The following FHIT variants were observed in gnomAD, a reference collection of about 807,000 sequenced individuals.
The protein encoded by FHIT is bis(5'-adenosyl)-triphosphatase.
FHIT carries 19 observed loss-of-function variants against 17.9 expected under a neutral mutation model. The ratio of observed to expected loss-of-function variants is 1.06; its 90% CI spans 0.74 to 1.56. FHIT has a LOEUF of 1.56. Among genes scored for constraint, FHIT ranks in the 40% most tolerant of loss-of-function variants. FHIT has a pLI of 0.00. For synonymous variants in FHIT, 81 were observed against 69.7 expected (o/e 1.16, Z -0.81); for missense variants, 248 against 189.2 (o/e 1.31, Z -1.82).
intron 5 of FHIT, among the ~76,000 whole-genome samples, chr3:60,030,916 T>C (rs1408062856): frequency 1.3e-5 from 2 of 152,266 alleles, no homozygotes; most frequent in Non-Finnish European, 2.9e-5. Flanking sequence ...TGTTATTTTC[T>C]TAATGTTTTA....
At chr3:59,780,609 GGT>G (rs1702539410) in intron 8 of FHIT, among the ~76,000 whole-genome samples, 1 of 152,144 alleles carries the variant, frequency 6.6e-6, no homozygotes, top group Non-Finnish European at 1.5e-5. Context: ...CCTTCGCAGA[GGT>G]GATTAGGGTT....
At chr3:60,709,991 T>A (rs2107931569) in intron 4 of FHIT, among the ~76,000 whole-genome samples, 1 of 151,452 alleles carries the variant, frequency 6.6e-6, no homozygotes, top group East Asian at 1.9e-4. Flanking sequence ...GTCTCACAAG[T>A]GCTTTTCCTT....
chr3:60,710,446 G>A lies in FHIT; in HGVS notation c.-18+111473C>T, dbSNP rs115184094. Among the ~76,000 whole-genome samples, 1,021 of 152,336 alleles carry A rather than the reference G, an allele frequency of 6.7e-3. 12 individuals are homozygous for A. The highest frequency in any genetic ancestry group is 0.024 in the African/African-American group (982 of 41,588). On this transcript the variant is annotated intron_variant, in intron 4 of 9. Transcript: ENST00000492590. ...CAGGAGAGTGGGTGCAGTGCACCGT[G>A]CACCAGCTGAAGCAGGGCAAGGCAT...
chr3:60,627,969 A>G (rs2039337667), intron 4 of FHIT, among the ~76,000 whole-genome samples: 1 of 151,974 alleles, frequency 6.6e-6, no homozygotes, highest in Non-Finnish European at 1.5e-5. Flanking sequence ...TATTTCATTA[A>G]TTTCTGTTCC....
At chr3:60,388,037 G>A (rs1339727757) in intron 5 of FHIT, among the ~76,000 whole-genome samples, 1 of 152,094 alleles carries the variant, frequency 6.6e-6, no homozygotes, top group Non-Finnish European at 1.5e-5. Flanking sequence ...CCTGCCATGA[G>A]CAGAAGCTTC....
intron 4 of FHIT, among the ~76,000 whole-genome samples, chr3:60,559,188 TC>T (rs2036845471): frequency 6.6e-6 from 1 of 152,120 alleles, no homozygotes; most frequent in Non-Finnish European, 1.5e-5. Flanking sequence ...ATTGTGTAAA[TC>T]CACAGCAGTA....
At chr3:60,958,632 T>C (rs1709280920) in intron 3 of FHIT, among the ~76,000 whole-genome samples, 2 of 152,168 alleles carry the variant, frequency 1.3e-5, no homozygotes, top group South Asian at 4.1e-4. Flanking sequence ...TGGCCCTTCA[T>C]CAAGTGCAAT....
At chr3:60,735,862 C>T (rs928163053) in intron 4 of FHIT, among the ~76,000 whole-genome samples, 2 of 152,210 alleles carry the variant, frequency 1.3e-5, no homozygotes, top group Admixed American at 1.3e-4. Flanking sequence ...TACTCAATGT[C>T]TATGCTTTTG....
At chr3:60,193,753 A>G (rs1317095005) in intron 5 of FHIT, among the ~76,000 whole-genome samples, 2 of 152,174 alleles carry the variant, frequency 1.3e-5, no homozygotes, top group African/African-American at 2.4e-5. Flanking sequence ...TTTCACATAT[A>G]TGACTGTAGC....
At chr3:60,944,423 T>C (rs1341423417) in intron 3 of FHIT, among the ~76,000 whole-genome samples, 2 of 152,164 alleles carry the variant, frequency 1.3e-5, no homozygotes, top group Non-Finnish European at 2.9e-5. Context: ...ACTTTCAGTG[T>C]GTCAGTGAGC....
chr3:60,719,170 A>G (rs2041754241), intron 4 of FHIT, among the ~76,000 whole-genome samples: 1 of 152,202 alleles, frequency 6.6e-6, no homozygotes, highest in Non-Finnish European at 1.5e-5. Context: ...TGGTTGGGCA[A>G]GAAACACTAA....
chr3:61,038,100 A>G (rs2033342935), intron 3 of FHIT, among the ~76,000 whole-genome samples: 3 of 152,244 alleles, frequency 2.0e-5, no homozygotes, highest in African/African-American at 7.2e-5. Flanking sequence ...ACAATCATCA[A>G]TTGAAGAAAC....
chr3:59,866,192 G>A (rs607731), intron 8 of FHIT, among the ~76,000 whole-genome samples: 26,453 of 151,832 alleles, frequency 0.17, 2,378 homozygotes, highest in Non-Finnish European at 0.19. Flanking sequence ...GCTGGGGTTT[G>A]GTGGGGAATC....
At chr3:60,627,175 A>G (rs2039312152) in intron 4 of FHIT, among the ~76,000 whole-genome samples, 1 of 152,142 alleles carries the variant, frequency 6.6e-6, no homozygotes, top group Non-Finnish European at 1.5e-5. Flanking sequence ...GTTTTGGTTA[A>G]CAGGATGCTA....
intron 8 of FHIT, among the ~76,000 whole-genome samples, chr3:59,804,654 G>A (rs1700125781): frequency 6.6e-6 from 1 of 152,180 alleles, no homozygotes; most frequent in African/African-American, 2.4e-5. Flanking sequence ...AAGTTATGAA[G>A]TCATTTACTT....
At chr3:60,863,663 C>T (rs1704025752) in intron 3 of FHIT, among the ~76,000 whole-genome samples, 1 of 152,058 alleles carries the variant, frequency 6.6e-6, no homozygotes, top group South Asian at 2.1e-4. Context: ...CTTTGATGGT[C>T]CCTGGGTGAG....
chr3:60,798,356 A>C (rs1701063745), intron 4 of FHIT, among the ~76,000 whole-genome samples: 1 of 152,238 alleles, frequency 6.6e-6, no homozygotes, highest in Non-Finnish European at 1.5e-5. Flanking sequence ...AACTCACTAA[A>C]ATGTCATCAG....
intron 8 of FHIT, among the ~76,000 whole-genome samples, chr3:59,838,676 T>G (rs1701422837): frequency 6.6e-6 from 1 of 152,174 alleles, no homozygotes; most frequent in Admixed American, 6.5e-5. Context: ...TTGATCCAGT[T>G]GTGTAACCCC....
intron 5 of FHIT, among the ~76,000 whole-genome samples, chr3:60,144,888 T>A (rs1335794752): frequency 6.6e-6 from 1 of 152,188 alleles, no homozygotes; most frequent in Non-Finnish European, 1.5e-5. Context: ...ATATGAAGCT[T>A]CTGTAACTTC....
Sources: gnomAD v4.1 joint callset for allele counts (sites outside exome capture counted in the v4.1 genomes callset) on GRCh38, gnomAD v4.1.1 for gene constraint, MANE v1.5 for transcripts, NCBI Gene and HGNC (gene_info 2026-07-23, HGNC 2026-07-21) for gene names.